Variants in FLNA observed in about 807,000 individuals in gnomAD.
The protein encoded by FLNA is filamin-A.
In FLNA, 7 loss-of-function variants were observed where a neutral mutation model predicts 157.6. The observed-to-expected ratio is 0.04, with a 90% CI of 0.03 to 0.08. The LOEUF is 0.08. Ranked by LOEUF, FLNA falls within the 10% of genes least tolerant of loss-of-function variation. The pLI is 1.00. For missense variants in FLNA, 1,750 were observed against 2,398.4 expected (o/e 0.73, Z 5.65); for synonymous variants, 1,103 against 1,060.8 (o/e 1.04, Z -0.77).
At chrX:154,352,112 T>C in intron 41 of FLNA, 69 bp downstream of exon 41, 1 of 1,208,105 alleles carries the variant, frequency 8.3e-7, no homozygotes, top group Non-Finnish European at 1.1e-6. Flanking sequence ...CTGCCGGCTC[T>C]TTCCTCCACC....
intron 2 of FLNA, among the ~76,000 whole-genome samples, chrX:154,370,451 C>G (rs1158244495): frequency 8.9e-6 from 1 of 112,485 alleles, no homozygotes; most frequent in African/African-American, 3.2e-5. Flanking sequence ...CACTTCAGAA[C>G]CAACGGGCCT....
At chrX:154,361,258 T>A in intron 21 of FLNA, 50 bp downstream of exon 21, 2 of 1,117,142 alleles carry the variant, frequency 1.8e-6, no homozygotes, top group Non-Finnish European at 2.4e-6. Context: ...TTTGGGGCCC[T>A]CAGAGAGCAC....
chrX:154,364,914 C>T lies in FLNA; in HGVS notation c.1735G>A (p.Val579Ile). Reference protein sequence around the residue: ...KVGTECGNQKVRAWGPGLEGG... With the variant: ...KVGTECGNQKIRAWGPGLEGG... The stretch of plus-strand genomic sequence containing the variant: ...TCCAGCCCAGGGCCCCAGGCCCGTA[C>T]CTTCTGATTGCCACACTCGGTGCCC... Residue 579 changes from valine to isoleucine, a missense_variant, in exon 12 of 48, where the codon GTA becomes ATA. This residue lies in a region of FLNA where 648 missense variants were observed against 805.8 expected (regional missense o/e 0.80). Transcript: ENST00000369850. 1 of 1,211,559 alleles carries T rather than the reference C, an allele frequency of 8.3e-7. No homozygotes were observed. Among genetic ancestry groups the T allele is most frequent in the South Asian group, 1.8e-5 (1 of 57,021 alleles).
chrX:154,348,709 G>T lies in FLNA; in HGVS notation c.*140C>A. ...CGGCTGGCTGGGGAGGCAGGTGAGC[G>T]CAGCACGGCACAGGGCAGGGGCGGC... On this transcript the variant is annotated 3_prime_UTR_variant, in exon 48 of 48. Coordinates refer to ENST00000369850, the MANE Select transcript of FLNA (RefSeq NM_001110556.2). 1 of 532,404 alleles carries T rather than the reference G, an allele frequency of 1.9e-6. No individual in the cohort carries two copies. The highest frequency in any genetic ancestry group is 3.0e-6 in the Non-Finnish European group (1 of 333,558). The allele number at this position is 532,404 out of a possible 1,213,427, so 43.9% of individuals were successfully genotyped here.
In FLNA at chrX:154,364,048, C is replaced by T. The variant is rs1297013254; in HGVS notation, c.2254G>A (p.Val752Ile). The T allele has an allele frequency of 3.4e-5, 41 of 1,209,083 alleles. No individual in the cohort carries two copies. Among genetic ancestry groups the T allele is most frequent in the South Asian group, 5.3e-5 (3 of 56,851 alleles). ...CTGAAGGGGCTGTTGGGGATGCTGACGCCTCCCCAGGACACCATGGCTGTG... is the reference window on the plus strand; with the variant it reads ...CTGAAGGGGCTGTTGGGGATGCTGATGCCTCCCCAGGACACCATGGCTGTG... ...KHTAMVSWGG[V>I]SIPNSPFRVN... is the part of the protein sequence containing the mutation. Residue 752 changes from valine (V) to isoleucine (I), a missense_variant, in exon 15 of 48, where the codon GTC (valine) becomes ATC (isoleucine). Physicochemically the swap from Val to Ile is conservative, Grantham distance 29. Coordinates refer to ENST00000369850, the MANE Select transcript of FLNA (RefSeq NM_001110556.2).
At position 154,359,854 on chromosome X, in the gene FLNA, G is replaced by A; in HGVS notation, c.3857C>T (p.Thr1286Ile). 1 of 1,211,108 alleles carries A rather than the reference G, an allele frequency of 8.3e-7. No homozygotes were observed. The highest frequency in any genetic ancestry group is 1.7e-5 in the African/African-American group (1 of 57,940). Reference protein sequence around the residue: ...TEFSVDARALTQTGGPHVKAR... With the variant: ...TEFSVDARALIQTGGPHVKAR... ...CTTGACGTGCGGCCCTCCGGTCTGT[G>A]TCAGAGCCCGGGCGTCCACACTGAA... Residue 1286 changes from threonine (T) to isoleucine (I), a missense_variant, in exon 23 of 48, where the codon ACA becomes ATA. This residue lies in a region of FLNA where 970 missense variants were observed against 1,302.6 expected (regional missense o/e 0.74). Transcript: ENST00000369850.
At position 154,365,139 on chromosome X, in the gene FLNA, C is replaced by A; in HGVS notation, c.1688G>T (p.Arg563Leu). 2 of 1,211,608 alleles carry A rather than the reference C, an allele frequency of 1.7e-6. No individual in the cohort carries two copies. The highest frequency in any genetic ancestry group is 2.2e-6 in the Non-Finnish European group (2 of 895,383). ...GAGGGATGCCTGGGGGCCTCACCTG[C>A]GCCCGATGTTCTGACCACCCCACGT... ...TITWGGQNIG[R>L]SPFEVKVGTE... Residue 563 changes from arginine to leucine, a missense_variant, in exon 11 of 48, where the codon CGC (arginine) becomes CTC (leucine). Coordinates refer to ENST00000369850, the MANE Select transcript of FLNA (RefSeq NM_001110556.2).
rs782584665 is a variant in FLNA at position 154,353,917 on chromosome X, T to G, written c.5684A>C (p.Glu1895Ala). 8.3e-7 allele frequency: 1 copy of G among 1,212,000 alleles called. No homozygotes were observed. The highest frequency in any genetic ancestry group is 1.8e-5 in the South Asian group (1 of 57,015). ...TCAAGACCAGAGCTATTGCTCACCC[T>G]CTCCTGCATCCTTGGTGTTGACGGT... The part of the protein sequence containing the change: ...TFTVNTKDAG[E>A]GGLSLAIEGP... The change falls in exon 35 of 48, where the codon GAG becomes GCG. Residue 1895 changes from glutamate to alanine, a missense_variant and splice_region_variant. Around this residue, in one of 5 missense-constraint regions of FLNA, gnomAD observed 970 missense variants for 1,302.6 expected, o/e 0.74. Coordinates refer to ENST00000369850, the MANE Select transcript of FLNA (RefSeq NM_001110556.2).
At position 154,366,087 on chromosome X, in the gene FLNA, C is replaced by T. The variant is rs782495199; in HGVS notation, c.1366G>A (p.Val456Met). The change falls in exon 9 of 48, where the codon GTG becomes ATG. Residue 456 changes from valine (V) to methionine (M), a missense_variant. Val to Met is a conservative substitution (Grantham distance 21). Coordinates refer to ENST00000369850, the MANE Select transcript of FLNA (RefSeq NM_001110556.2). The part of the protein sequence containing the change: ...YQPTMEGVHT[V>M]HVTFAGVPIP... ...GGCACGCCGGCAAACGTGACGTGCA[C>T]GGTGTGGACGCCCTCCATGGTGGGC... 1.2e-5 allele frequency: 14 copies of T among 1,209,028 alleles called. No homozygotes were observed. The highest frequency in any genetic ancestry group is 3.5e-5 in the South Asian group (2 of 56,927).
At chrX:154,355,321 T>C (rs1408382851) in intron 30 of FLNA, among the ~76,000 whole-genome samples, 1 of 113,318 alleles carries the variant, frequency 8.8e-6, no homozygotes, top group African/African-American at 3.2e-5. Flanking sequence ...CCCAGGTGCC[T>C]GGGAGGAAAA....
At chrX:154,358,647 A>C in intron 26 of FLNA, 79 bp from the exon 27 acceptor site, 3 of 1,116,182 alleles carry the variant, frequency 2.7e-6, no homozygotes, top group Non-Finnish European at 3.7e-6. Context: ...GACGGCCAGG[A>C]CCCAGCCCCA....
chrX:154,360,294 G>C lies in FLNA; in HGVS notation c.3501C>G (p.Gly1167=). 1 of 1,211,878 alleles carries C rather than the reference G, an allele frequency of 8.3e-7. No individual in the cohort carries two copies. Among genetic ancestry groups the C allele is most frequent in the South Asian group, 1.8e-5 (1 of 57,074 alleles). ...CAGCGGTGGCCCGCTCCAGCCCGGGGCCTGAGCACTTGACTTTGGATGCGT... is the reference window on the plus strand; with the variant it reads ...CAGCGGTGGCCCGCTCCAGCCCGGGCCCTGAGCACTTGACTTTGGATGCGT... ...CFDASKVKCS[G]PGLERATAGE... The change falls in exon 22 of 48, where the codon GGC becomes GGG. Residue 1167 remains glycine (G), a synonymous_variant. Transcript: ENST00000369850.
Position 154,361,483 on chromosome X carries a change from G to A in FLNA, c.3032C>T (p.Pro1011Leu). ...QGKVASKIVG[P>L]SGAAVPCKVE... ...CTTGCAGGGCACCGCTGCACCCGAG[G>A]GGCCCACAATCTTGGATGCCACTTT... The change falls in exon 21 of 48, where the codon CCC becomes CTC. Residue 1011 changes from proline to leucine, a missense_variant. By Grantham distance (98) the Pro-to-Leu change is moderately conservative. Around this residue, in one of 5 missense-constraint regions of FLNA, gnomAD observed 648 missense variants for 805.8 expected, o/e 0.80. Coordinates refer to ENST00000369850, the MANE Select transcript of FLNA (RefSeq NM_001110556.2). The A allele has an allele frequency of 1.7e-6, 2 of 1,211,579 alleles. No individual in the cohort carries two copies. Among genetic ancestry groups the A allele is most frequent in the Non-Finnish European group, 1.1e-6 (1 of 895,466 alleles).
chrX:154,349,159 A>G (rs967633547), intron 47 of FLNA, 123 bp from the exon 48 acceptor site: 1 of 817,004 alleles, frequency 1.2e-6, no homozygotes, highest in Admixed American at 2.6e-5. Flanking sequence ...AAGAGCTGCC[A>G]GCACCTCCCC....
intron 2 of FLNA, among the ~76,000 whole-genome samples, chrX:154,368,651 G>A (rs2067781317): frequency 8.9e-6 from 1 of 112,594 alleles, no homozygotes; most frequent in East Asian, 2.8e-4. Flanking sequence ...TTGGGCAAAC[G>A]CCCTTTGGGT....
chrX:154,359,777 G>A lies in FLNA; in HGVS notation c.3934C>T (p.Arg1312Cys), dbSNP rs781928289. ...TCCACTTTGTACATGCCATCGCCACGGTCCTGAACGTAGGTCTCCGTCAGG... is the reference window on the plus strand; with the variant it reads ...TCCACTTTGTACATGCCATCGCCACAGTCCTGAACGTAGGTCTCCGTCAGG... ...GNLTETYVQD[R>C]GDGMYKVEYT... Residue 1312 changes from arginine to cysteine, a missense_variant, in exon 23 of 48, where the codon CGT becomes TGT. Transcript: ENST00000369850. The A allele has an allele frequency of 9.1e-6, 11 of 1,208,981 alleles. No individual in the cohort carries two copies. Among genetic ancestry groups the A allele is most frequent in the African/African-American group, 1.8e-5 (1 of 57,066 alleles).
intron 9 of FLNA, 110 bp downstream of exon 9, chrX:154,365,914 A>T: frequency 1.4e-6 from 1 of 695,200 alleles, no homozygotes; most frequent in Non-Finnish European, 2.1e-6. Context: ...AGAAGCTCAA[A>T]GAGTAGGGGC....
Position 154,349,404 on chromosome X carries a change from C to T in FLNA, c.7714G>A (p.Val2572Ile), listed in dbSNP as rs782291033. 1.1e-5 allele frequency: 13 copies of T among 1,212,069 alleles called. No individual in the cohort carries two copies. Among genetic ancestry groups the T allele is most frequent in the South Asian group, 5.3e-5 (3 of 57,094 alleles). ...ACTGTGAAGCTGCTCTTCTGGCCTA[C>T]GTAGGCCTTGCTCAGCCCCAGGCCC... ...AKGLGLSKAY[V>I]GQKSSFTVDC... The change falls in exon 47 of 48, where the codon GTA (valine) becomes ATA (isoleucine). Residue 2572 changes from valine (V) to isoleucine (I), a missense_variant. Val to Ile is a conservative substitution (Grantham distance 29). This residue lies in a region of FLNA where 970 missense variants were observed against 1,302.6 expected (regional missense o/e 0.74). Transcript: ENST00000369850.
chrX:154,348,605 C>T lies in FLNA; in HGVS notation c.*244G>A. Reference sequence around the variant, plus strand: ...GTGGTTGTGTACAGGACCCCCATCCCTCACCCCTCCCAGAACCAAAGAAGA... The same window carrying T: ...GTGGTTGTGTACAGGACCCCCATCCTTCACCCCTCCCAGAACCAAAGAAGA... On this transcript the variant is annotated 3_prime_UTR_variant, in exon 48 of 48. Coordinates refer to ENST00000369850, the MANE Select transcript of FLNA (RefSeq NM_001110556.2). The T allele has an allele frequency of 5.2e-6, 2 of 384,525 alleles. No homozygotes were observed. The highest frequency in any genetic ancestry group is 4.3e-5 in the East Asian group (1 of 23,457). 31.7% of individuals were successfully genotyped at this position (384,525 alleles called of 1,213,427 possible). A position where few individuals can be genotyped will look rare whatever the true frequency, so the allele number is the denominator to read the frequency against.
Sources: allele counts gnomAD v4.1 joint callset (sites outside exome capture counted in the v4.1 genomes callset), GRCh38; gene constraint gnomAD v4.1.1; regional missense constraint gnomAD v4.1.1; transcripts MANE v1.5; gene names NCBI Gene and HGNC (gene_info 2026-07-23, HGNC 2026-07-21).